Variants in CBLN2 observed in about 807,000 individuals in gnomAD.
CBLN2 encodes the protein cerebellin-2.
In CBLN2, 7 loss-of-function variants were observed where a neutral mutation model predicts 15.0. The observed-to-expected ratio is 0.47, with a 90% CI of 0.27 to 0.88. The LOEUF (loss-of-function observed/expected upper bound fraction) is 0.88, where lower values mean the gene tolerates loss of function less well. Ranked by LOEUF, CBLN2 falls within the 40% of genes least tolerant of loss-of-function variation. The pLI is 0.14. For synonymous variants in CBLN2, 149 were observed against 135.2 expected, an observed-to-expected ratio of 1.10 and a Z score of -0.71; for missense variants, 242 against 304.5, an observed-to-expected ratio of 0.79 and a Z score of 1.53.
chr18:72,604,978 C>T (rs2069573786), intron 1 of CBLN2, among the ~76,000 whole-genome samples: 1 of 152,244 alleles, frequency 6.6e-6, no homozygotes, highest in African/African-American at 2.4e-5. Context: ...ACTATTCCTT[C>T]AGACCTCAGC....
At chr18:72,584,067 C>A (rs2144921781) in intron 1 of CBLN2, among the ~76,000 whole-genome samples, 1 of 152,298 alleles carries the variant, frequency 6.6e-6, no homozygotes, top group South Asian at 2.1e-4. Flanking sequence ...TCTCCAGGAC[C>A]TCTAGTTTCT....
intron 1 of CBLN2, among the ~76,000 whole-genome samples, chr18:72,610,003 T>C (rs1420044154): frequency 1.3e-5 from 2 of 152,106 alleles, no homozygotes; most frequent in Non-Finnish European, 2.9e-5. Flanking sequence ...ACCATTAATG[T>C]TCCCTAATGT....
chr18:72,566,167 C>T (rs2069293816), intron 1 of CBLN2, among the ~76,000 whole-genome samples: 1 of 152,120 alleles, frequency 6.6e-6, no homozygotes, highest in African/African-American at 2.4e-5. Flanking sequence ...CAAAAGATCA[C>T]AGGTGTTGGC....
chr18:72,614,908 T>C (rs1471259344), intron 1 of CBLN2, among the ~76,000 whole-genome samples: 1 of 150,930 alleles, frequency 6.6e-6, no homozygotes, highest in Non-Finnish European at 1.5e-5. Context: ...AACATAGTTA[T>C]GTATTACAAG....
chr18:72,598,371 G>A (rs1303096838), intron 1 of CBLN2, among the ~76,000 whole-genome samples: 1 of 152,120 alleles, frequency 6.6e-6, no homozygotes, highest in Non-Finnish European at 1.5e-5. Flanking sequence ...TGAGGGCCTC[G>A]GGACTCTGCC....
intron 3 of CBLN2, among the ~76,000 whole-genome samples, chr18:72,540,986 G>A (rs566698719): frequency 1.3e-5 from 2 of 152,244 alleles, no homozygotes; most frequent in African/African-American, 2.4e-5. Flanking sequence ...GAAACCAGGC[G>A]AGCAGGACAC....
intron 1 of CBLN2, among the ~76,000 whole-genome samples, chr18:72,612,728 T>C (rs996918343): frequency 3.9e-5 from 6 of 152,242 alleles, no homozygotes; most frequent in Non-Finnish European, 5.9e-5. Flanking sequence ...TATCCAGAAG[T>C]TTAAAATCCT....
At chr18:72,633,082 T>A (rs2069787840) in intron 1 of CBLN2, among the ~76,000 whole-genome samples, 1 of 152,216 alleles carries the variant, frequency 6.6e-6, no homozygotes, top group African/African-American at 2.4e-5. Flanking sequence ...AGTAATAGTA[T>A]AAAAAGTCGG....
intron 1 of CBLN2, among the ~76,000 whole-genome samples, chr18:72,613,672 T>A (rs924034537): frequency 6.6e-6 from 1 of 152,058 alleles, no homozygotes; most frequent in Non-Finnish European, 1.5e-5. Context: ...GGGGAGAAAA[T>A]AGGACTTCAG....
At chr18:72,562,734 T>C (rs1391858972) in intron 1 of CBLN2, among the ~76,000 whole-genome samples, 1 of 152,242 alleles carries the variant, frequency 6.6e-6, no homozygotes, top group Non-Finnish European at 1.5e-5. Flanking sequence ...CAGTTTAAAA[T>C]GTTAGTCTGC....
At chr18:72,631,194 C>A (rs1041876205) in intron 1 of CBLN2, 1 of 152,008 alleles carries the variant, frequency 6.6e-6, no homozygotes, top group Non-Finnish European at 1.5e-5. Flanking sequence ...GCAACGGGAA[C>A]GTTCTAAAGC....
chr18:72,558,857 C>T (rs995522485), intron 1 of CBLN2, among the ~76,000 whole-genome samples: 3 of 152,090 alleles, frequency 2.0e-5, no homozygotes, highest in African/African-American at 7.3e-5. Context: ...AGTTCAAGAC[C>T]AACCTGGCCA....
At chr18:72,600,578 G>A (rs1024267327) in intron 1 of CBLN2, among the ~76,000 whole-genome samples, 2 of 152,114 alleles carry the variant, frequency 1.3e-5, no homozygotes, top group Non-Finnish European at 1.5e-5. Flanking sequence ...GAGAGTTAGG[G>A]GCCTGGAAGG....
At chr18:72,601,823 A>T (rs2069550312) in intron 1 of CBLN2, among the ~76,000 whole-genome samples, 1 of 151,788 alleles carries the variant, frequency 6.6e-6, no homozygotes, top group Non-Finnish European at 1.5e-5. Context: ...CCCTCCACAG[A>T]CTCTTTTGTA....
intron 1 of CBLN2, among the ~76,000 whole-genome samples, chr18:72,636,001 T>G (rs1286012098): frequency 6.6e-6 from 1 of 152,174 alleles, no homozygotes; most frequent in Non-Finnish European, 1.5e-5. Context: ...ATCAAATATG[T>G]TATTTATTTT....
At chr18:72,635,246 G>T (rs966543109) in intron 1 of CBLN2, among the ~76,000 whole-genome samples, 2 of 152,074 alleles carry the variant, frequency 1.3e-5, no homozygotes, top group Admixed American at 6.6e-5. Context: ...GAAAAGCAAG[G>T]TCTCTAACTT....
chr18:72,598,580 G>GC lies in CBLN2; in HGVS notation c.15+39744dup, dbSNP rs1406049418. On this transcript the variant is annotated intron_variant, in intron 1 of 2. Coordinates refer to the CBLN2 transcript ENST00000581073. ...TGGCTGGTGTCTCAGTAGGCCACAT[G>GC]CCCCCCAAATCCACTGGCTTTGAGC... 3.9e-5 allele frequency among the ~76,000 whole-genome samples: 6 copies of GC among 152,258 alleles called. No homozygotes were observed. The South Asian group carries it at 6.2e-4, about 16-fold the overall frequency.
In CBLN2 at chr18:72,537,237, T is replaced by C. The variant is rs1473676137; in HGVS notation, c.*939A>G. 4 of 152,190 alleles carry C rather than the reference T, an allele frequency of 2.6e-5. No homozygotes were observed. Among genetic ancestry groups the C allele is most frequent in the Non-Finnish European group, 5.9e-5 (4 of 68,040 alleles). 9.4% of individuals were successfully genotyped at this position (152,190 alleles called of 1,614,324 possible). On this transcript the variant is annotated 3_prime_UTR_variant, in exon 5 of 5. Coordinates refer to ENST00000269503, the MANE Select transcript of CBLN2 (RefSeq NM_182511.4). ...GGAACACCAGGTTCTTAAAGGATTC[T>C]GAAGTATAAATTAAAAAAAAATGCA... is the stretch of plus-strand genomic sequence containing the variant.
intron 1 of CBLN2, chr18:72,618,673 A>C: frequency 2.6e-6 from 2 of 777,802 alleles, no homozygotes; most frequent in Non-Finnish European, 4.5e-6. Context: ...GATTGAACTC[A>C]TGACCGACTG....
Sources: allele counts gnomAD v4.1 joint callset (sites outside exome capture counted in the v4.1 genomes callset), GRCh38; gene constraint gnomAD v4.1.1; transcripts MANE v1.5; gene names NCBI Gene and HGNC (gene_info 2026-07-23, HGNC 2026-07-21).